The following MYLK3 variants were observed in gnomAD, a reference collection of about 807,000 sequenced individuals.
The protein encoded by MYLK3 is myosin light chain kinase 3, also known as MLC kinase.
MYLK3 carries 55 observed loss-of-function variants against 76.3 expected under a neutral mutation model. The ratio of observed to expected loss-of-function variants is 0.72; its 90% CI spans 0.58 to 0.90. MYLK3 has a LOEUF of 0.90. Among genes scored for constraint, MYLK3 ranks in the 40% least tolerant of loss-of-function variants. The pLI, the probability that MYLK3 is intolerant of heterozygous loss-of-function variation, is 0.00. For missense variants in MYLK3, 973 were observed against 1,053.6 expected (o/e 0.92, Z 1.06); for synonymous variants, 416 against 425.4 (o/e 0.98, Z 0.27).
At chr16:46,712,843 T>G in intron 9 of MYLK3, 67 bp from the exon 10 acceptor site, 1 of 1,429,716 alleles carries the variant, frequency 7.0e-7, no homozygotes, top group Non-Finnish European at 9.3e-7. Context: ...CTGGGGCTCA[T>G]TTCTGGTGGG....
At position 46,719,333 on chromosome 16, in the gene MYLK3, A is replaced by T. The variant is rs556444750; in HGVS notation, c.1985+1790T>A. 7.9e-5 allele frequency among the ~76,000 whole-genome samples: 12 copies of T among 152,120 alleles called. No homozygotes were observed. The South Asian group carries it at 2.3e-3, about 29-fold the overall frequency. Reference sequence around the variant, plus strand: ...CAGCATGAGACTCGGTCTCAAAAAAAAAAAAAAAAGAAGATATGTGATTCC... The same window carrying T: ...CAGCATGAGACTCGGTCTCAAAAAATAAAAAAAAAGAAGATATGTGATTCC... On this transcript the variant is annotated intron_variant, in intron 9 of 12. Coordinates refer to ENST00000394809, the MANE Select transcript of MYLK3 (RefSeq NM_182493.3).
intron 9 of MYLK3, among the ~76,000 whole-genome samples, chr16:46,716,319 TAGATAGAC>T (rs1966736872): frequency 6.6e-6 from 1 of 151,834 alleles, no homozygotes; most frequent in African/African-American, 2.4e-5. Context: ...GATGGATAGA[TAGATAGAC>T]AGATAGATGT....
At chr16:46,753,695 G>A (rs906702520) in intron 1 of MYLK3, among the ~76,000 whole-genome samples, 2 of 152,148 alleles carry the variant, frequency 1.3e-5, no homozygotes, top group African/African-American at 4.8e-5. Flanking sequence ...GGGCTCGATT[G>A]AGCACAAGAA....
rs1021838233 is a variant in MYLK3, at chr16:46,703,691, C to T, written c.*4013G>A. The stretch of plus-strand genomic sequence containing the variant: ...ATTTCAAAAAAAGGATGCTAAAATC[C>T]ACATAGGTCACTTGTGTTGGCCTGG... On this transcript the variant is annotated 3_prime_UTR_variant, in exon 13 of 13. Transcript: ENST00000394809. 1 of 153,642 alleles carries T rather than the reference C, an allele frequency of 6.5e-6. No homozygotes were observed. Among genetic ancestry groups the T allele is most frequent in the Non-Finnish European group, 1.5e-5 (1 of 68,038 alleles). 9.5% of individuals were successfully genotyped at this position (153,642 alleles called of 1,614,324 possible). A position where few individuals can be genotyped will look rare whatever the true frequency, so the allele number is the denominator to read the frequency against.
chr16:46,758,304 A>ACACACACACTCTCT (rs1567294867), intron 1 of MYLK3, among the ~76,000 whole-genome samples: 4 of 87,266 alleles, frequency 4.6e-5, no homozygotes, highest in African/African-American at 1.9e-4. Context: ...ACACACACAC[A>ACACACACACTCTCT]CTCTCTCTCT....
At chr16:46,732,160 C>A in intron 4 of MYLK3, 48 bp downstream of exon 4, 1 of 1,475,328 alleles carries the variant, frequency 6.8e-7, no homozygotes, top group South Asian at 1.3e-5. Flanking sequence ...GGGCTCCAAA[C>A]TCCCTCCCCT....
chr16:46,737,832 C>A lies in MYLK3; in HGVS notation c.880G>T (p.Asp294Tyr). Residue 294 changes from aspartate (D) to tyrosine (Y), a missense_variant, in exon 3 of 13, where the codon GAC becomes TAC. Coordinates refer to ENST00000394809, the MANE Select transcript of MYLK3 (RefSeq NM_182493.3). ...GTGCCTTCCTCTAAGGGCTCAGGGTCAGGCCTGCTGGACGATGCTCCTTGT... is the reference window on the plus strand; with the variant it reads ...GTGCCTTCCTCTAAGGGCTCAGGGTAAGGCCTGCTGGACGATGCTCCTTGT... ...AGQGASSSRP[D>Y]PEPLEEGTRL... 4 of 1,613,618 alleles carry A rather than the reference C, an allele frequency of 2.5e-6. No individual in the cohort carries two copies. The highest frequency in any genetic ancestry group is 3.4e-6 in the Non-Finnish European group (4 of 1,180,040).
intron 9 of MYLK3, among the ~76,000 whole-genome samples, chr16:46,714,229 C>G (rs1966714389): frequency 6.6e-6 from 1 of 152,184 alleles, no homozygotes; most frequent in Admixed American, 6.5e-5. Flanking sequence ...TTTCCCTCCT[C>G]CCAATAGCCC....
intron 8 of MYLK3, among the ~76,000 whole-genome samples, chr16:46,721,753 A>G (rs1213940994): frequency 6.6e-6 from 1 of 152,204 alleles, no homozygotes; most frequent in African/African-American, 2.4e-5. Flanking sequence ...AGAACCCAAC[A>G]GAATACCTCT....
intron 9 of MYLK3, among the ~76,000 whole-genome samples, chr16:46,713,406 C>T (rs2143012816): frequency 6.6e-6 from 1 of 151,996 alleles, no homozygotes; most frequent in Admixed American, 6.6e-5. Flanking sequence ...ACCATGTTGC[C>T]CAGGCTGGCC....
intron 1 of MYLK3, among the ~76,000 whole-genome samples, chr16:46,743,632 G>T (rs982447777): frequency 4.6e-5 from 7 of 152,270 alleles, no homozygotes; most frequent in South Asian, 2.1e-4. Flanking sequence ...CAGGACAGAC[G>T]GGAAATGGCA....
Position 46,729,672 on chromosome 16 carries a change from C to A in MYLK3, c.1584G>T (p.Gln528His). 7 of 1,613,648 alleles carry A rather than the reference C, an allele frequency of 4.3e-6. No homozygotes were observed. Among genetic ancestry groups the A allele is most frequent in the South Asian group, 2.2e-5 (2 of 91,078 alleles). ...TGGACTTCTCTGTGCACCTGTGGAC[C>A]TGGCCAAACCGACCCCTGCAGAGAC... ...HEVLGGGRFG[Q>H]VHRCTEKSTG... Residue 528 changes from glutamine (Q) to histidine (H), a missense_variant, in exon 6 of 13, where the codon CAG (glutamine) becomes CAT (histidine). By Grantham distance (24) the Gln-to-His change is conservative. This residue lies in a region of MYLK3 where 332 missense variants were observed against 416.6 expected (regional missense o/e 0.80). Coordinates refer to ENST00000394809, the MANE Select transcript of MYLK3 (RefSeq NM_182493.3).
chr16:46,761,357 T>C (rs141008971), intron 1 of MYLK3, among the ~76,000 whole-genome samples: 1 of 152,112 alleles, frequency 6.6e-6, no homozygotes, highest in African/African-American at 2.4e-5. Flanking sequence ...ATGGAACATT[T>C]TGGGGTGGGC....
chr16:46,758,690 G>A (rs1255492804), intron 1 of MYLK3, among the ~76,000 whole-genome samples: 6 of 152,172 alleles, frequency 3.9e-5, no homozygotes, highest in East Asian at 1.9e-4. Flanking sequence ...AGATTCTGAC[G>A]CCCAGAGATG....
At chr16:46,715,009 C>A (rs1203976440) in intron 9 of MYLK3, among the ~76,000 whole-genome samples, 3 of 152,152 alleles carry the variant, frequency 2.0e-5, no homozygotes, top group Non-Finnish European at 4.4e-5. Context: ...ATTATCATGA[C>A]GTCACTGAAC....
intron 3 of MYLK3, 92 bp from the exon 4 acceptor site, chr16:46,732,760 T>G: frequency 9.5e-7 from 1 of 1,055,546 alleles, no homozygotes. Flanking sequence ...CTGCCATCAT[T>G]GACAATGGCC....
intron 1 of MYLK3, among the ~76,000 whole-genome samples, chr16:46,759,721 G>T (rs551543858): frequency 2.0e-5 from 3 of 151,748 alleles, no homozygotes; most frequent in Non-Finnish European, 2.9e-5. Flanking sequence ...TCTGCCTCCC[G>T]GGCTCAAGCA....
intron 10 of MYLK3, among the ~76,000 whole-genome samples, chr16:46,711,310 G>A (rs1966680868): frequency 6.6e-6 from 1 of 152,134 alleles, no homozygotes; most frequent in Non-Finnish European, 1.5e-5. Flanking sequence ...TCTGAGTGCA[G>A]GGACAGTGCG....
chr16:46,752,229 A>G (rs1440997652), upstream of MYLK3, among the ~76,000 whole-genome samples: 2 of 151,790 alleles, frequency 1.3e-5, no homozygotes, highest in African/African-American at 2.4e-5. Context: ...CAACACCCTC[A>G]TTTTATTTTA....
Sources: allele counts gnomAD v4.1 joint callset (sites outside exome capture counted in the v4.1 genomes callset), GRCh38; gene constraint gnomAD v4.1.1; regional missense constraint gnomAD v4.1.1; transcripts MANE v1.5; gene names NCBI Gene and HGNC (gene_info 2026-07-23, HGNC 2026-07-21).